MIPOL1: variants seen among roughly 807,000 people sequenced by gnomAD.
MIPOL1 encodes mirror-image polydactyly 1.
MIPOL1 carries 57 observed loss-of-function variants against 60.9 expected under a neutral mutation model. That is an observed-to-expected ratio of 0.94 (90% CI 0.76 to 1.17). The LOEUF (loss-of-function observed/expected upper bound fraction) is 1.17, where lower values mean the gene tolerates loss of function less well. Ranked by LOEUF, MIPOL1 falls within the 50% of genes most tolerant of loss-of-function variation. The probability of loss-of-function intolerance (pLI) is 0.00; values close to 1 mark genes in which losing one functional copy is unlikely to be tolerated. For missense variants in MIPOL1, 551 were observed against 511.6 expected (o/e 1.08, Z -0.74); for synonymous variants, 179 against 168.8 (o/e 1.06, Z -0.47).
At chr14:37,225,994 A>G (rs887384741) in intron 1 of MIPOL1, among the ~76,000 whole-genome samples, 6 of 152,316 alleles carry the variant, frequency 3.9e-5, no homozygotes, top group Admixed American at 3.9e-4. Flanking sequence ...GCCTCTTGCT[A>G]AAACATAACA....
chr14:37,279,059 C>G (rs2083893035), intron 6 of MIPOL1, among the ~76,000 whole-genome samples: 1 of 150,870 alleles, frequency 6.6e-6, no homozygotes, highest in African/African-American at 2.4e-5. Context: ...TGTAAACACC[C>G]AATGATTTGT....
At position 37,403,263 on chromosome 14, in the gene MIPOL1, A is replaced by G. The variant is rs930042390; in HGVS notation, c.937-19592A>G. Among the ~76,000 whole-genome samples the G allele has an allele frequency of 1.1e-4, 16 of 152,250 alleles. 1 individual carries two copies. The highest frequency in any genetic ancestry group is 1.0e-3 in the South Asian group (5 of 4,826). On this transcript the variant is annotated intron_variant, in intron 10 of 12. Transcript: ENST00000684589. ...TATCAGAGGATTCCCTGTAAATTAC[A>G]GAATCTTAAATATTACAAATTCTCA...
At chr14:37,332,000 T>G (rs1379028577) in intron 9 of MIPOL1, among the ~76,000 whole-genome samples, 2 of 152,026 alleles carry the variant, frequency 1.3e-5, no homozygotes, top group Non-Finnish European at 2.9e-5. Context: ...TAGCCATGCA[T>G]GGTGGCAGGT....
intron 9 of MIPOL1, 104 bp downstream of exon 9, chr14:37,308,623 AT>A: frequency 4.1e-6 from 3 of 735,358 alleles, no homozygotes; most frequent in Non-Finnish European, 4.0e-6. Flanking sequence ...ATTCACATTA[AT>A]TTTTAGCACA....
chr14:37,334,246 A>T (rs1479617761), intron 9 of MIPOL1, among the ~76,000 whole-genome samples: 1 of 152,050 alleles, frequency 6.6e-6, no homozygotes, highest in Non-Finnish European at 1.5e-5. Flanking sequence ...CAAAGAATTT[A>T]TTCATCTGGG....
At chr14:37,221,919 C>T (rs938432677) in intron 1 of MIPOL1, among the ~76,000 whole-genome samples, 5 of 151,734 alleles carry the variant, frequency 3.3e-5, no homozygotes, top group South Asian at 4.2e-4. Flanking sequence ...ACAGCAGCCC[C>T]AAAAGTTGTT....
chr14:37,382,702 C>A (rs1364129631), intron 10 of MIPOL1, among the ~76,000 whole-genome samples: 1 of 151,870 alleles, frequency 6.6e-6, no homozygotes, highest in African/African-American at 2.4e-5. Flanking sequence ...GTTAGTTTTT[C>A]TGTTATGTTG....
chr14:37,359,735 G>T (rs571295910), intron 9 of MIPOL1, among the ~76,000 whole-genome samples: 1 of 152,172 alleles, frequency 6.6e-6, no homozygotes, highest in African/African-American at 2.4e-5. Context: ...GGACTGAGAC[G>T]ATGGGGTTTT....
At chr14:37,498,236 T>C (rs1280646494) in intron 11 of MIPOL1, among the ~76,000 whole-genome samples, 1 of 152,200 alleles carries the variant, frequency 6.6e-6, no homozygotes, top group Non-Finnish European at 1.5e-5. Flanking sequence ...TCTAGATTTC[T>C]GCATTTGTTC....
rs1343671978 is a variant in MIPOL1 at position 37,422,897 on chromosome 14, C to T, written c.979C>T (p.Gln327Ter). ...GCAACAAGCCAGAGAAACTGCAGTT[C>T]AACAGTACAAAAAACTGGAAGAGGA... is the stretch of plus-strand genomic sequence containing the variant. ...SMQQARETAV[Q>*]QYKKLEEEIQ... is the part of the protein sequence containing the mutation. Residue 327 changes from glutamine (Q) to a stop codon, truncating the protein, a stop_gained, in exon 11 of 13, where the codon CAA becomes TAA. Coordinates refer to ENST00000684589, the MANE Select transcript of MIPOL1 (RefSeq NM_001388067.1). LOFTEE classifies it high-confidence loss of function. The T allele has an allele frequency of 1.2e-6, 2 of 1,608,888 alleles. No homozygotes were observed. Among genetic ancestry groups the T allele is most frequent in the Non-Finnish European group, 1.7e-6 (2 of 1,177,088 alleles).
At chr14:37,278,840 T>A (rs1181387045) in intron 6 of MIPOL1, 2 of 151,830 alleles carry the variant, frequency 1.3e-5, no homozygotes, top group Non-Finnish European at 3.0e-5. Flanking sequence ...AAATATGTAC[T>A]CTGCCTTGAC....
At chr14:37,520,926 CTTTTT>C (rs11299536) in intron 12 of MIPOL1, among the ~76,000 whole-genome samples, 1 of 47,724 alleles carries the variant, frequency 2.1e-5, no homozygotes, top group Admixed American at 3.6e-4. Context: ...TAACATTTTA[CTTTTT>C]TTTTTTTTTT....
intron 10 of MIPOL1, among the ~76,000 whole-genome samples, chr14:37,412,618 A>G (rs1026076272): frequency 1.3e-5 from 2 of 152,136 alleles, no homozygotes; most frequent in East Asian, 1.9e-4. Context: ...CAACTGATCT[A>G]TGACAGTAGA....
intron 5 of MIPOL1, 63 bp from the exon 6 acceptor site, chr14:37,270,353 AAATT>A: frequency 1.3e-6 from 1 of 793,878 alleles, no homozygotes; most frequent in Non-Finnish European, 1.8e-6. Context: ...AAAAACTTTG[AAATT>A]AATTATATTT....
chr14:37,234,703 G>T (rs1396547811), intron 1 of MIPOL1, among the ~76,000 whole-genome samples: 2 of 151,552 alleles, frequency 1.3e-5, no homozygotes, highest in Non-Finnish European at 2.9e-5. Flanking sequence ...AATATAGTAG[G>T]CTTCCATTCT....
At chr14:37,480,793 T>C (rs1485340635) in intron 11 of MIPOL1, among the ~76,000 whole-genome samples, 3 of 152,018 alleles carry the variant, frequency 2.0e-5, no homozygotes, top group Admixed American at 1.3e-4. Context: ...AACAGGATCA[T>C]AAACCCTGAA....
intron 11 of MIPOL1, among the ~76,000 whole-genome samples, chr14:37,458,202 A>G (rs1386991151): frequency 1.3e-5 from 2 of 152,186 alleles, no homozygotes; most frequent in Admixed American, 6.5e-5. Context: ...AGAGATAAAC[A>G]GCAATACAAT....
chr14:37,362,318 C>A (rs555218743), intron 9 of MIPOL1, among the ~76,000 whole-genome samples: 1 of 152,176 alleles, frequency 6.6e-6, no homozygotes, highest in African/African-American at 2.4e-5. Flanking sequence ...GTGGCAAAAT[C>A]TCTCAGCATT....
chr14:37,431,382 C>G (rs750767535), intron 11 of MIPOL1, among the ~76,000 whole-genome samples: 8 of 151,822 alleles, frequency 5.3e-5, no homozygotes, highest in Non-Finnish European at 1.0e-4. Context: ...CATGCCCAAG[C>G]TTTTTTTGCT....
Sources: gnomAD v4.1 joint callset for allele counts (sites outside exome capture counted in the v4.1 genomes callset) on GRCh38, gnomAD v4.1.1 for gene constraint, MANE v1.5 for transcripts, NCBI Gene and HGNC (gene_info 2026-07-23, HGNC 2026-07-21) for gene names.